UBE3C: variants seen among roughly 807,000 people sequenced by gnomAD.
The protein encoded by UBE3C is ubiquitin-protein ligase E3C.
Under a neutral mutation model 129.4 loss-of-function variants are expected in UBE3C, and 42 were observed. The observed-to-expected ratio is 0.32, with a 90% CI of 0.25 to 0.42. UBE3C has a LOEUF of 0.42. UBE3C is among the 10% of genes least tolerant of loss of function. The pLI is 1.00. For synonymous variants in UBE3C, 510 were observed against 492.4 expected, an observed-to-expected ratio of 1.04 and a Z score of -0.47; for missense variants, 1,049 against 1,319.1, an observed-to-expected ratio of 0.80 and a Z score of 3.17.
At chr7:157,261,991 C>T (rs925966127) in intron 22 of UBE3C, among the ~76,000 whole-genome samples, 5 of 152,100 alleles carry the variant, frequency 3.3e-5, no homozygotes, top group African/African-American at 7.2e-5. Flanking sequence ...ATTCAATTAG[C>T]GTTATGAAAG....
intron 5 of UBE3C, among the ~76,000 whole-genome samples, chr7:157,177,328 C>T (rs899381873): frequency 6.6e-6 from 1 of 152,216 alleles, no homozygotes; most frequent in Non-Finnish European, 1.5e-5. Context: ...TCTTTTACTT[C>T]ATTTTTTAAG....
chr7:157,227,412 C>T (rs559168891), intron 17 of UBE3C, among the ~76,000 whole-genome samples: 1 of 152,160 alleles, frequency 6.6e-6, no homozygotes, highest in East Asian at 1.9e-4. Flanking sequence ...TAAAACTACT[C>T]CCTGGGCGTG....
chr7:157,189,624 G>A (rs999055293), intron 10 of UBE3C, among the ~76,000 whole-genome samples: 7 of 152,112 alleles, frequency 4.6e-5, no homozygotes, highest in African/African-American at 1.2e-4. Context: ...GGCATTCCTG[G>A]CCTTTGTGTG....
At chr7:157,189,746 T>C (rs1808903977) in intron 10 of UBE3C, among the ~76,000 whole-genome samples, 1 of 146,534 alleles carries the variant, frequency 6.8e-6, no homozygotes, top group Non-Finnish European at 1.5e-5. Context: ...CCTTTGTGGG[T>C]TCTTTTTTCT....
chr7:157,149,336 G>A lies in UBE3C; in HGVS notation c.66+9998G>A, dbSNP rs911288470. On this transcript the variant is annotated intron_variant, in intron 1 of 22. Transcript: ENST00000348165. ...CTCCCAAAGTGCTGGGATTACAGGC[G>A]TGAGCCACTATGCCTGGCCAGGAAT... is the stretch of plus-strand genomic sequence containing the variant. Among the ~76,000 whole-genome samples the A allele has an allele frequency of 3.3e-5, 5 of 152,132 alleles. No individual in the cohort carries two copies. In the East Asian group the frequency reaches 5.8e-4, roughly 18 times the overall value.
chr7:157,261,708 T>A (rs528742573), intron 22 of UBE3C, among the ~76,000 whole-genome samples: 1 of 152,352 alleles, frequency 6.6e-6, no homozygotes, highest in South Asian at 2.1e-4. Context: ...TGAAACTCCT[T>A]AGTGCCAGAT....
intron 5 of UBE3C, among the ~76,000 whole-genome samples, chr7:157,177,757 G>C (rs1296903434): frequency 6.6e-6 from 1 of 152,154 alleles, no homozygotes; most frequent in African/African-American, 2.4e-5. Flanking sequence ...ACAGAAGGCA[G>C]CCTGCGGTAA....
chr7:157,197,508 TG>T (rs1353516989), intron 10 of UBE3C: 53 of 823,050 alleles, frequency 6.4e-5, no homozygotes, highest in African/African-American at 3.9e-4. Context: ...AAAAATAATT[TG>T]TTTTTTTTTT....
intron 18 of UBE3C, among the ~76,000 whole-genome samples, chr7:157,241,558 C>G (rs566915615): frequency 1.3e-5 from 2 of 152,184 alleles, no homozygotes; most frequent in Non-Finnish European, 2.9e-5. Context: ...AACCAGGAAC[C>G]GCAGGGTTGG....
At chr7:157,141,462 C>A (rs1586637088) in intron 1 of UBE3C, among the ~76,000 whole-genome samples, 1 of 152,176 alleles carries the variant, frequency 6.6e-6, no homozygotes, top group Non-Finnish European at 1.5e-5. Context: ...GCCAGTGTTG[C>A]CCACTGCACA....
intron 5 of UBE3C, 27 bp downstream of exon 5, chr7:157,175,061 G>C (rs182171073): frequency 6.6e-7 from 1 of 1,514,840 alleles, no homozygotes; most frequent in Non-Finnish European, 9.0e-7. Context: ...AGTCAGTAAC[G>C]TATATAATGT....
intron 17 of UBE3C, among the ~76,000 whole-genome samples, chr7:157,230,687 C>G (rs1213387443): frequency 9.8e-4 from 122 of 125,034 alleles, no homozygotes; most frequent in Non-Finnish European, 1.1e-3. Context: ...AGAGGCAGAC[C>G]CCGTCTCAAA....
chr7:157,179,902 T>A (rs1015998573), intron 6 of UBE3C, among the ~76,000 whole-genome samples: 3 of 152,208 alleles, frequency 2.0e-5, no homozygotes, highest in African/African-American at 7.2e-5. Flanking sequence ...TCCGAGTTAA[T>A]TAAAAGTAAA....
chr7:157,163,884 C>A (rs944827363), intron 2 of UBE3C, 21 bp downstream of exon 2: 1 of 1,610,502 alleles, frequency 6.2e-7, no homozygotes, highest in Non-Finnish European at 8.5e-7. Flanking sequence ...TTTTGTAATA[C>A]TCTGTAGATA....
chr7:157,180,582 A>AAAACCAT (rs370244354), intron 6 of UBE3C, among the ~76,000 whole-genome samples: 1 of 152,054 alleles, frequency 6.6e-6, no homozygotes, highest in Non-Finnish European at 1.5e-5. Context: ...TGTGCTACCA[A>AAAACCAT]ATACGCTTGT....
chr7:157,172,441 A>C (rs1282198569), intron 4 of UBE3C, among the ~76,000 whole-genome samples: 1 of 152,228 alleles, frequency 6.6e-6, no homozygotes, highest in Non-Finnish European at 1.5e-5. Context: ...CCTCGCTACA[A>C]ACCATCCCTA....
intron 18 of UBE3C, among the ~76,000 whole-genome samples, chr7:157,242,697 G>A (rs1796370845): frequency 6.6e-6 from 1 of 152,014 alleles, no homozygotes; most frequent in Non-Finnish European, 1.5e-5. Context: ...TTGGTGAGCA[G>A]GGTCAGGGGT....
At chr7:157,163,731 A>C in intron 1 of UBE3C, 79 bp from the exon 2 acceptor site, 1 of 1,497,956 alleles carries the variant, frequency 6.7e-7, no homozygotes, top group Non-Finnish European at 9.2e-7. Context: ...TTTTGGGTGA[A>C]AACATTCTGT....
chr7:157,166,190 G>A (rs1808207121), intron 2 of UBE3C, among the ~76,000 whole-genome samples: 4 of 152,074 alleles, frequency 2.6e-5, no homozygotes, highest in Admixed American at 2.0e-4. Context: ...TCTTTTTTCT[G>A]TATTTTTGTC....
Sources: allele counts gnomAD v4.1 joint callset (sites outside exome capture counted in the v4.1 genomes callset), GRCh38; gene constraint gnomAD v4.1.1; transcripts MANE v1.5; gene names NCBI Gene and HGNC (gene_info 2026-07-23, HGNC 2026-07-21).